EPB41L4B: variants seen among roughly 807,000 people sequenced by gnomAD.
The protein encoded by EPB41L4B is band 4.1-like protein 4B.
EPB41L4B carries 30 observed loss-of-function variants against 112.5 expected under a neutral mutation model. The observed-to-expected ratio is 0.27, with a 90% CI of 0.20 to 0.36. EPB41L4B has a LOEUF of 0.36. Ranked by LOEUF, EPB41L4B falls within the 10% of genes least tolerant of loss-of-function variation. The probability of loss-of-function intolerance (pLI) is 1.00; values close to 1 mark genes in which losing one functional copy is unlikely to be tolerated. For synonymous variants in EPB41L4B, 408 were observed against 439.7 expected, an observed-to-expected ratio of 0.93 and a Z score of 0.90; for missense variants, 1,024 against 1,133.3, an observed-to-expected ratio of 0.90 and a Z score of 1.38.
chr9:109,277,166 C>T (rs749255361), intron 2 of EPB41L4B, among the ~76,000 whole-genome samples: 4 of 151,904 alleles, frequency 2.6e-5, no homozygotes, highest in Admixed American at 6.6e-5. Context: ...AAGAAGAGTT[C>T]CAGGGAAGAA....
At chr9:109,258,948 C>T (rs1020990939) in intron 6 of EPB41L4B, among the ~76,000 whole-genome samples, 17 of 152,154 alleles carry the variant, frequency 1.1e-4, no homozygotes, top group African/African-American at 3.9e-4. Context: ...TTGTGCTGCC[C>T]TTGCCAAGTC....
At chr9:109,263,192 G>A (rs1210357828) in intron 5 of EPB41L4B, 90 bp from the exon 6 acceptor site, 16 of 907,750 alleles carry the variant, frequency 1.8e-5, no homozygotes, top group Admixed American at 1.1e-4. Flanking sequence ...AAAAGGTAGC[G>A]CTATTTAGAT....
chr9:109,320,480 GCGCTGCCGCTGC>G lies in EPB41L4B; in HGVS notation c.-46_-35del, dbSNP rs556107644. ...GGGGCGCCCCCTGCCTCCGCCCCCT[GCGCTGCCGCTGC>G]CGCTGCCGCTGCCGCTGCGCCGCCG... is the stretch of plus-strand genomic sequence containing the variant. On this transcript the variant is annotated 5_prime_UTR_variant, in exon 1 of 26. Transcript: ENST00000374566. 75,467 of 923,022 alleles carry G rather than the reference GCGCTGCCGCTGC, an allele frequency of 0.082. 3,494 individuals are homozygous for G. Among genetic ancestry groups the G allele is most frequent in the Middle Eastern group, 0.091 (158 of 1,734 alleles). 57.2% of individuals were successfully genotyped at this position (923,022 alleles called of 1,614,324 possible).
intron 22 of EPB41L4B, among the ~76,000 whole-genome samples, chr9:109,191,131 T>C (rs920139153): frequency 1.3e-5 from 2 of 152,088 alleles, no homozygotes; most frequent in Non-Finnish European, 2.9e-5. Context: ...CCTCTTCCCT[T>C]CTAGGACCCT....
intron 2 of EPB41L4B, among the ~76,000 whole-genome samples, chr9:109,274,027 C>T (rs1288703343): frequency 2.0e-5 from 3 of 152,088 alleles, no homozygotes; most frequent in Non-Finnish European, 4.4e-5. Flanking sequence ...GCTATTGAAC[C>T]CTCCCAGCAG....
chr9:109,306,488 C>A (rs1018677545), intron 1 of EPB41L4B, among the ~76,000 whole-genome samples: 1 of 152,216 alleles, frequency 6.6e-6, no homozygotes, highest in Admixed American at 6.5e-5. Context: ...GTGGTAGGCG[C>A]CTGTAATCCC....
chr9:109,253,342 G>T, intron 12 of EPB41L4B, 99 bp downstream of exon 12: 1 of 796,474 alleles, frequency 1.3e-6, no homozygotes, highest in Non-Finnish European at 2.1e-6. Flanking sequence ...CTGGAGAACT[G>T]CGGGTACTTT....
At chr9:109,193,852 T>C (rs1004857496) in intron 21 of EPB41L4B, among the ~76,000 whole-genome samples, 1 of 152,218 alleles carries the variant, frequency 6.6e-6, no homozygotes, top group Non-Finnish European at 1.5e-5. Flanking sequence ...GACACTTCTA[T>C]GTTTTTGCTC....
chr9:109,189,189 G>A (rs946974297), intron 22 of EPB41L4B, among the ~76,000 whole-genome samples: 1 of 152,108 alleles, frequency 6.6e-6, no homozygotes, highest in African/African-American at 2.4e-5. Flanking sequence ...ATCTGATTAC[G>A]AACTCTGATA....
At chr9:109,283,796 T>A (rs1430839329) in intron 1 of EPB41L4B, among the ~76,000 whole-genome samples, 1 of 152,108 alleles carries the variant, frequency 6.6e-6, no homozygotes, top group African/African-American at 2.4e-5. Context: ...AAGTTGTAAA[T>A]GCACTTAAGG....
intron 15 of EPB41L4B, chr9:109,241,510 T>C: frequency 2.1e-6 from 3 of 1,455,220 alleles, no homozygotes; most frequent in Non-Finnish European, 9.0e-7. Context: ...AGTGGTTTTA[T>C]CTTCAAATAT....
chr9:109,199,049 T>C (rs908255634), intron 20 of EPB41L4B, among the ~76,000 whole-genome samples: 1 of 152,232 alleles, frequency 6.6e-6, no homozygotes, highest in Non-Finnish European at 1.5e-5. Context: ...ACTCTTGTCT[T>C]TCCCTCCAGT....
rs759563738 is a variant in EPB41L4B, at chr9:109,243,674, A to G, written c.1353T>C (p.Tyr451=). ...NPEVHNYQPQ[Y]HPNIHPSQPR... ...GCTGGCTGGGATGGATATTAGGATG[A>G]TATTGAGGCTAGAAATAAAACACCA... Residue 451 remains tyrosine (Y), a synonymous_variant, in exon 15 of 26, where the codon TAT becomes TAC. Coordinates refer to ENST00000374566, the MANE Select transcript of EPB41L4B (RefSeq NM_019114.5). 5 of 1,614,018 alleles carry G rather than the reference A, an allele frequency of 3.1e-6. No individual in the cohort carries two copies. The highest frequency in any genetic ancestry group is 3.4e-6 in the Non-Finnish European group (4 of 1,179,970).
At chr9:109,271,618 A>G (rs2119099405) in intron 2 of EPB41L4B, among the ~76,000 whole-genome samples, 1 of 152,284 alleles carries the variant, frequency 6.6e-6, no homozygotes, top group Non-Finnish European at 1.5e-5. Flanking sequence ...ACTGTATCCT[A>G]CGCTCGGCTT....
At position 109,172,901 on chromosome 9, in the gene EPB41L4B, G is replaced by C. The variant is rs1396046679; in HGVS notation, c.*1653C>G. ...TATTGGCACCATTCAGTTTTAAGGAGAGGGGCAGGAGAGCAAACTATACAA... is the reference window on the plus strand; with the variant it reads ...TATTGGCACCATTCAGTTTTAAGGACAGGGGCAGGAGAGCAAACTATACAA... On this transcript the variant is annotated 3_prime_UTR_variant, in exon 26 of 26. Transcript: ENST00000374566. The C allele has an allele frequency of 6.6e-6, 1 of 152,588 alleles. No individual in the cohort carries two copies. Among genetic ancestry groups the C allele is most frequent in the Non-Finnish European group, 1.5e-5 (1 of 68,038 alleles). 9.5% of individuals were successfully genotyped at this position (152,588 alleles called of 1,614,324 possible).
chr9:109,272,883 C>T (rs1835674863), intron 2 of EPB41L4B, among the ~76,000 whole-genome samples: 1 of 152,170 alleles, frequency 6.6e-6, no homozygotes, highest in African/African-American at 2.4e-5. Flanking sequence ...TCACATCCAT[C>T]CTCTGACTAA....
intron 16 of EPB41L4B, among the ~76,000 whole-genome samples, chr9:109,215,906 C>G: frequency 6.6e-6 from 1 of 152,110 alleles, no homozygotes; most frequent in Non-Finnish European, 1.5e-5. Flanking sequence ...AGGAGTGTTG[C>G]TTAAGCCCAA....
intron 2 of EPB41L4B, among the ~76,000 whole-genome samples, chr9:109,269,084 C>A (rs1835516548): frequency 6.6e-6 from 1 of 152,124 alleles, no homozygotes; most frequent in Admixed American, 6.5e-5. Flanking sequence ...CCAATCTTCT[C>A]CAAGCATTCC....
At chr9:109,296,870 T>TCAAA (rs1836749941) in intron 1 of EPB41L4B, among the ~76,000 whole-genome samples, 1 of 116,242 alleles carries the variant, frequency 8.6e-6, no homozygotes, top group African/African-American at 3.5e-5. Flanking sequence ...AGGCCATGTC[T>TCAAA]CAAAAAAAAA....
Sources: gnomAD v4.1 joint callset for allele counts (sites outside exome capture counted in the v4.1 genomes callset) on GRCh38, gnomAD v4.1.1 for gene constraint, MANE v1.5 for transcripts, NCBI Gene and HGNC (gene_info 2026-07-23, HGNC 2026-07-21) for gene names.